The following ARHGEF3 variants were observed in gnomAD, a reference collection of about 807,000 sequenced individuals.
The protein encoded by ARHGEF3 is 59.8 kDA protein.
ARHGEF3 carries 28 observed loss-of-function variants against 63.2 expected under a neutral mutation model. The observed-to-expected ratio is 0.44, with a 90% CI of 0.33 to 0.61. The LOEUF (loss-of-function observed/expected upper bound fraction) is 0.61, where lower values mean the gene tolerates loss of function less well. ARHGEF3 is among the 20% of genes least tolerant of loss of function. ARHGEF3 has a pLI of 0.03. For synonymous variants in ARHGEF3, 266 were observed against 254.2 expected (o/e 1.05, Z -0.44); for missense variants, 533 against 659.3 (o/e 0.81, Z 2.10).
At chr3:57,030,987 G>A (rs1703707651) in intron 2 of ARHGEF3, among the ~76,000 whole-genome samples, 1 of 152,220 alleles carries the variant, frequency 6.6e-6, no homozygotes, top group African/African-American at 2.4e-5. Context: ...GGATTCCAGG[G>A]AGCCCCAGTC....
rs71623876 is a variant in ARHGEF3, at chr3:57,055,163, C to CTT, written c.-27-19989_-27-19988dup. 4.8e-3 allele frequency among the ~76,000 whole-genome samples: 647 copies of CTT among 135,268 alleles called. 12 individuals are homozygous for CTT. Among genetic ancestry groups the CTT allele is most frequent in the African/African-American group, 0.015 (562 of 37,072 alleles). 88.7% of individuals were successfully genotyped at this position (135,268 alleles called of 152,430 possible). ...TGATTTATAAGCTTTTCTCTTTATG[C>CTT]TTTTTTTTTTTTTTTTGAGACGAAG... On this transcript the variant is annotated intron_variant, in intron 1 of 12. Coordinates refer to the ARHGEF3 transcript ENST00000338458.
At chr3:56,836,795 T>C (rs2039126203) in intron 4 of ARHGEF3, among the ~76,000 whole-genome samples, 1 of 152,008 alleles carries the variant, frequency 6.6e-6, no homozygotes, top group Non-Finnish European at 1.5e-5. Flanking sequence ...GGTATGGTGG[T>C]GCATGCCTGT....
At position 56,967,389 on chromosome 3, in the gene ARHGEF3, T is replaced by C. The variant is rs1470928493; in HGVS notation, c.63-8500A>G. 1.8e-3 allele frequency among the ~76,000 whole-genome samples: 70 copies of C among 39,758 alleles called. 4 individuals carry two copies. The highest frequency in any genetic ancestry group is 5.5e-3 in the East Asian group (5 of 912). The allele number at this position is 39,758 out of a possible 152,430, so 26.1% of individuals were successfully genotyped here. The stretch of plus-strand genomic sequence containing the variant: ...ATTATATATTATATATTATACATAT[T>C]ATATATTATATAATATATTATATAT... On this transcript the variant is annotated intron_variant, in intron 2 of 12. Transcript: ENST00000338458.
chr3:56,959,520 G>T (rs1262472392), intron 2 of ARHGEF3, among the ~76,000 whole-genome samples: 1 of 152,174 alleles, frequency 6.6e-6, no homozygotes, highest in Non-Finnish European at 1.5e-5. Flanking sequence ...TTTTGTAGCT[G>T]CCAATATAAC....
chr3:56,733,455 G>C (rs1042655570), intron 8 of ARHGEF3, among the ~76,000 whole-genome samples: 1 of 148,274 alleles, frequency 6.7e-6, no homozygotes, highest in Non-Finnish European at 1.5e-5. Flanking sequence ...CAGCCTGGGT[G>C]ACAGAGCAAG....
intron 3 of ARHGEF3, among the ~76,000 whole-genome samples, chr3:56,884,543 T>C (rs1007050880): frequency 6.6e-6 from 1 of 152,326 alleles, no homozygotes; most frequent in East Asian, 1.9e-4. Context: ...GATTCAGAGA[T>C]GCTGATGCCA....
intron 2 of ARHGEF3, among the ~76,000 whole-genome samples, chr3:56,758,675 C>T (rs2035242980): frequency 6.6e-6 from 1 of 152,144 alleles, no homozygotes; most frequent in South Asian, 2.1e-4. Context: ...ACACAGTTCA[C>T]TAATGGTATC....
chr3:56,842,069 G>C (rs1387766700), intron 4 of ARHGEF3, among the ~76,000 whole-genome samples: 1 of 152,120 alleles, frequency 6.6e-6, no homozygotes, highest in Non-Finnish European at 1.5e-5. Flanking sequence ...TCCACCCTGA[G>C]ATGAGAAAAT....
chr3:56,766,614 G>T (rs2035718534), intron 2 of ARHGEF3, among the ~76,000 whole-genome samples: 2 of 152,210 alleles, frequency 1.3e-5, no homozygotes, highest in African/African-American at 4.8e-5. Context: ...AGATAAGTAA[G>T]ACACCACCTT....
chr3:56,871,276 C>G (rs146801983), intron 4 of ARHGEF3, among the ~76,000 whole-genome samples: 2 of 152,090 alleles, frequency 1.3e-5, no homozygotes, highest in East Asian at 3.9e-4. Flanking sequence ...TGACATTTTA[C>G]CCCTAAACAC....
intron 2 of ARHGEF3, among the ~76,000 whole-genome samples, chr3:57,028,217 A>G (rs1410275795): frequency 6.9e-6 from 1 of 145,312 alleles, no homozygotes; most frequent in African/African-American, 2.6e-5. Context: ...ACTATAAATC[A>G]TGCTGCTATA....
chr3:56,875,475 T>G (rs1196722869), intron 4 of ARHGEF3, among the ~76,000 whole-genome samples: 1 of 152,188 alleles, frequency 6.6e-6, no homozygotes, highest in African/African-American at 2.4e-5. Flanking sequence ...ATGTATTTGC[T>G]TTGAGGGAAT....
At chr3:56,768,279 G>A (rs1333866337) in intron 2 of ARHGEF3, among the ~76,000 whole-genome samples, 9 of 151,772 alleles carry the variant, frequency 5.9e-5, no homozygotes, top group Non-Finnish European at 1.0e-4. Context: ...GGTTGGTCTC[G>A]AACTCCTGAC....
intron 1 of ARHGEF3, among the ~76,000 whole-genome samples, chr3:56,791,952 G>C (rs1164126616): frequency 6.6e-6 from 1 of 151,466 alleles, no homozygotes; most frequent in African/African-American, 2.4e-5. Context: ...GAAAATAAGT[G>C]ACTGCTGGCT....
At chr3:56,796,614 GA>G in intron 1 of ARHGEF3, among the ~76,000 whole-genome samples, 1 of 152,242 alleles carries the variant, frequency 6.6e-6, no homozygotes, top group East Asian at 1.9e-4. Flanking sequence ...AGACACTCAG[GA>G]AAAAAATGGG....
chr3:57,030,002 A>G (rs1046592415), intron 2 of ARHGEF3, among the ~76,000 whole-genome samples: 18 of 152,190 alleles, frequency 1.2e-4, no homozygotes, highest in African/African-American at 4.3e-4. Context: ...ATGGGAGCTG[A>G]TAAGTGGATC....
At chr3:56,910,099 T>C (rs1037445232) in intron 3 of ARHGEF3, among the ~76,000 whole-genome samples, 1 of 152,218 alleles carries the variant, frequency 6.6e-6, no homozygotes, top group African/African-American at 2.4e-5. Context: ...TCGGGGTAGC[T>C]GTTACTCAGC....
At chr3:56,879,616 T>C (rs1463457452) in intron 4 of ARHGEF3, among the ~76,000 whole-genome samples, 1 of 151,320 alleles carries the variant, frequency 6.6e-6, no homozygotes, top group Non-Finnish European at 1.5e-5. Flanking sequence ...AACCCTCGCA[T>C]CCTCTGGTAT....
chr3:56,993,842 T>C (rs1045974953), intron 2 of ARHGEF3, among the ~76,000 whole-genome samples: 2 of 149,616 alleles, frequency 1.3e-5, no homozygotes, highest in African/African-American at 4.9e-5. Flanking sequence ...CCAAGGTAGG[T>C]GGATGAGGTC....
Sources: gnomAD v4.1 joint callset for allele counts (sites outside exome capture counted in the v4.1 genomes callset) on GRCh38, gnomAD v4.1.1 for gene constraint, MANE v1.5 for transcripts, NCBI Gene and HGNC (gene_info 2026-07-23, HGNC 2026-07-21) for gene names.